The following CHRNA7 variants were observed in gnomAD, a reference collection of about 807,000 sequenced individuals.
The protein encoded by CHRNA7 is cholinergic receptor nicotinic alpha 7 subunit.
Under a neutral mutation model 48.0 loss-of-function variants are expected in CHRNA7, and 17 were observed. The observed-to-expected ratio is 0.35, with a 90% CI of 0.24 to 0.53. The LOEUF is 0.53. CHRNA7 is among the 20% of genes least tolerant of loss of function. The probability of loss-of-function intolerance (pLI) is 0.92; values close to 1 mark genes in which losing one functional copy is unlikely to be tolerated. For synonymous variants in CHRNA7, 75 were observed against 242.3 expected (o/e 0.31, Z 6.41); for missense variants, 155 against 577.7 (o/e 0.27, Z 7.50).
At chr15:32,049,921 G>T (rs1347935602) in intron 2 of CHRNA7, among the ~76,000 whole-genome samples, 4 of 152,102 alleles carry the variant, frequency 2.6e-5, no homozygotes, top group Admixed American at 6.6e-5. Flanking sequence ...AGTTTGGCTG[G>T]ATATGAAATT....
chr15:32,050,618 G>A (rs562090179), intron 2 of CHRNA7, among the ~76,000 whole-genome samples: 1 of 152,140 alleles, frequency 6.6e-6, no homozygotes, highest in Non-Finnish European at 1.5e-5. Context: ...GGAGTAGTTT[G>A]GTCGTCTGAA....
At chr15:32,105,582 A>T (rs935465343) in intron 3 of CHRNA7, among the ~76,000 whole-genome samples, 2 of 152,244 alleles carry the variant, frequency 1.3e-5, no homozygotes, top group African/African-American at 4.8e-5. Flanking sequence ...GATATTACAG[A>T]TGACAGCTGG....
At chr15:32,135,121 A>AC (rs985586260) in intron 4 of CHRNA7, among the ~76,000 whole-genome samples, 3 of 152,172 alleles carry the variant, frequency 2.0e-5, no homozygotes, top group African/African-American at 7.2e-5. Context: ...GGAAGCCTGC[A>AC]CCCCCCAGGA....
chr15:32,030,944 C>G lies in CHRNA7; in HGVS notation c.102C>G (p.Val34=), dbSNP rs1476788945. 1 of 1,614,068 alleles carries G rather than the reference C, an allele frequency of 6.2e-7. No individual in the cohort carries two copies. Among genetic ancestry groups the G allele is most frequent in the African/African-American group, 1.3e-5 (1 of 74,946 alleles). The part of the protein sequence containing the change: ...EFQRKLYKEL[V]KNYNPLERPV... ...AGAGGAAGCTTTACAAGGAGCTGGT[C>G]AAGAACTACAATCCCTTGGAGAGGC... The change falls in exon 2 of 10, where the codon GTC becomes GTG. Residue 34 remains valine, a synonymous_variant. Coordinates refer to ENST00000306901, the MANE Select transcript of CHRNA7 (RefSeq NM_000746.6).
At position 32,149,389 on chromosome 15, in the gene CHRNA7, T is replaced by C. The variant is rs975426270; in HGVS notation, c.351-4518T>C. ...CCCCGGGGAAGCTGCGCCGGTGCTG[T>C]GGCCACTGAGGTCCTCATAGGGGTT... On this transcript the variant is annotated intron_variant, in intron 4 of 9. Transcript: ENST00000306901. The surrounding 1 kb of genome is among the most constrained non-coding windows in gnomAD (Gnocchi z 4.6). 1.3e-5 allele frequency among the ~76,000 whole-genome samples: 2 copies of C among 152,144 alleles called. No individual in the cohort carries two copies. Among genetic ancestry groups the C allele is most frequent in the African/African-American group, 4.8e-5 (2 of 41,436 alleles).
intron 2 of CHRNA7, among the ~76,000 whole-genome samples, chr15:32,050,514 T>C (rs1566803652): frequency 1.3e-5 from 2 of 152,312 alleles, no homozygotes; most frequent in South Asian, 2.1e-4. Flanking sequence ...TTTAAGAACT[T>C]CTCTGTATTG....
intron 4 of CHRNA7, among the ~76,000 whole-genome samples, chr15:32,138,416 G>A (rs1307506900): frequency 6.6e-6 from 1 of 151,978 alleles, no homozygotes; most frequent in African/African-American, 2.4e-5. Flanking sequence ...TAACTGTGTG[G>A]AAGGTACAAG....
In CHRNA7 at chr15:32,061,320, C is replaced by T. The variant is rs62003562; in HGVS notation, c.195+30283C>T. Among the ~76,000 whole-genome samples the T allele has an allele frequency of 1.1e-4, 16 of 152,166 alleles. No individual in the cohort carries two copies. In the East Asian group the frequency reaches 2.9e-3, roughly 28 times the overall value. On this transcript the variant is annotated intron_variant, in intron 2 of 9. Transcript: ENST00000306901. Reference sequence around the variant, plus strand: ...GAAAGTCATCCAGGCACGTTTCCTGCGTGGAAAGAACAGCCTAAGATTGCT... The same window carrying T: ...GAAAGTCATCCAGGCACGTTTCCTGTGTGGAAAGAACAGCCTAAGATTGCT...
chr15:32,131,041 T>G (rs569819861), intron 4 of CHRNA7, among the ~76,000 whole-genome samples: 2 of 152,304 alleles, frequency 1.3e-5, no homozygotes, highest in Admixed American at 1.3e-4. Flanking sequence ...CATTTAAATT[T>G]GTTGTTGTTG....
At chr15:32,117,476 C>G (rs2050893113) in intron 4 of CHRNA7, among the ~76,000 whole-genome samples, 1 of 152,192 alleles carries the variant, frequency 6.6e-6, no homozygotes, top group Non-Finnish European at 1.5e-5. Context: ...GCCATCCACT[C>G]AAGTTCTAGT....
chr15:32,142,485 C>A (rs575568478), intron 4 of CHRNA7, among the ~76,000 whole-genome samples: 1 of 152,038 alleles, frequency 6.6e-6, no homozygotes, highest in African/African-American at 2.4e-5. Context: ...GAATAGTTTC[C>A]GAAGAAATGG....
chr15:32,120,757 C>A (rs1156668963), intron 4 of CHRNA7, among the ~76,000 whole-genome samples: 1 of 152,112 alleles, frequency 6.6e-6, no homozygotes, highest in Non-Finnish European at 1.5e-5. Flanking sequence ...CCCTGCACCC[C>A]CAAGGGCCCT....
At chr15:32,105,473 G>A in intron 3 of CHRNA7, among the ~76,000 whole-genome samples, 1 of 137,786 alleles carries the variant, frequency 7.3e-6, no homozygotes, top group Non-Finnish European at 1.6e-5. Context: ...GGAAGAGGAG[G>A]AGAGGAGGAA....
intron 2 of CHRNA7, among the ~76,000 whole-genome samples, chr15:32,044,248 T>G (rs1257189551): frequency 1.9e-5 from 1 of 52,636 alleles, no homozygotes; most frequent in African/African-American, 5.8e-5. Flanking sequence ...TCGATCGATC[T>G]TTTCCTCCTT....
At chr15:32,122,615 G>T (rs931688311) in intron 4 of CHRNA7, among the ~76,000 whole-genome samples, 1 of 151,610 alleles carries the variant, frequency 6.6e-6, no homozygotes, top group Non-Finnish European at 1.5e-5. Flanking sequence ...ATTGTGTATG[G>T]TTTTTTTTCC....
chr15:32,108,855 C>T (rs1374150436), intron 3 of CHRNA7, among the ~76,000 whole-genome samples: 1 of 152,136 alleles, frequency 6.6e-6, no homozygotes, highest in Non-Finnish European at 1.5e-5. Flanking sequence ...AGGCAGGGTA[C>T]ATGTAAGGAA....
chr15:32,056,479 A>C (rs899315207), intron 2 of CHRNA7, among the ~76,000 whole-genome samples: 3 of 152,220 alleles, frequency 2.0e-5, no homozygotes, highest in Non-Finnish European at 4.4e-5. Context: ...ACTGTATCAC[A>C]TTTGGACATT....
chr15:32,105,455 G>A (rs113511603), intron 3 of CHRNA7, among the ~76,000 whole-genome samples: 6 of 150,376 alleles, frequency 4.0e-5, no homozygotes, highest in African/African-American at 1.5e-4. Context: ...GAAGGAGGAA[G>A]AGGAGGAGGA....
chr15:32,077,948 C>T (rs2050159683), intron 2 of CHRNA7, among the ~76,000 whole-genome samples: 1 of 152,146 alleles, frequency 6.6e-6, no homozygotes, highest in Admixed American at 6.5e-5. Context: ...GGGATTTGCC[C>T]CGTGACCCAA....
Sources: gnomAD v4.1 joint callset for allele counts (sites outside exome capture counted in the v4.1 genomes callset) on GRCh38, gnomAD v4.1.1 for gene constraint, Gnocchi (gnomAD v3.1) non-coding constraint, MANE v1.5 for transcripts, NCBI Gene and HGNC (gene_info 2026-07-23, HGNC 2026-07-21) for gene names.